The following THBS4 variants were observed in gnomAD, a reference collection of about 807,000 sequenced individuals.
THBS4 encodes the protein thrombospondin-4.
In THBS4, 90 loss-of-function variants were observed where a neutral mutation model predicts 115.7. The ratio of observed to expected loss-of-function variants is 0.78; its 90% CI spans 0.66 to 0.93. THBS4 has a LOEUF of 0.93. Ranked by LOEUF, THBS4 falls within the 40% of genes least tolerant of loss-of-function variation. THBS4 has a pLI of 0.00. For synonymous variants in THBS4, 460 were observed against 479.3 expected (o/e 0.96, Z 0.53); for missense variants, 1,087 against 1,232.7 (o/e 0.88, Z 1.77).
rs905604201 is a variant in THBS4, at chr5:80,055,833, T to C, written c.341T>C (p.Phe114Ser). The stretch of plus-strand genomic sequence containing the variant: ...GATGGGAAGGTGCATTTGGTGGTTT[T>C]CAACAACCTGCAGCTGGCAGACGGA... ...KNDGKVHLVV[F>S]NNLQLADGRR... Residue 114 changes from phenylalanine (F) to serine (S), a missense_variant, in exon 3 of 22, where the codon TTC (phenylalanine) becomes TCC (serine). Physicochemically the swap from Phe to Ser is radical, Grantham distance 155 (BLOSUM62 -2). Coordinates refer to ENST00000350881, the MANE Select transcript of THBS4 (RefSeq NM_003248.6). 7 of 1,614,030 alleles carry C rather than the reference T, an allele frequency of 4.3e-6. No individual in the cohort carries two copies. The Admixed American group carries it at 5.0e-5, about 12-fold the overall frequency.
intron 19 of THBS4, among the ~76,000 whole-genome samples, chr5:80,079,596 C>T (rs1194548393): frequency 6.6e-6 from 1 of 152,210 alleles, no homozygotes; most frequent in Non-Finnish European, 1.5e-5. Flanking sequence ...TCTGTCACTC[C>T]TGCTAGGACA....
chr5:80,017,986 C>T (rs1832283565), intron 2 of THBS4, among the ~76,000 whole-genome samples: 1 of 151,990 alleles, frequency 6.6e-6, no homozygotes, highest in Non-Finnish European at 1.5e-5. Context: ...TCTTTGGCTA[C>T]TTTTAAGATA....
intron 2 of THBS4, among the ~76,000 whole-genome samples, chr5:80,049,362 C>G (rs1484858740): frequency 1.2e-4 from 18 of 152,208 alleles, no homozygotes; most frequent in Admixed American, 1.1e-3. Context: ...GCCATAAAAT[C>G]AGGCAATCCT....
chr5:80,026,997 C>T (rs1335072025), intron 2 of THBS4, among the ~76,000 whole-genome samples: 1 of 152,152 alleles, frequency 6.6e-6, no homozygotes, highest in East Asian at 1.9e-4. Flanking sequence ...AACTATTTGC[C>T]AAAGACCCAC....
Position 80,070,761 on chromosome 5 carries a change from C to T in THBS4, c.1560+11C>T, listed in dbSNP as rs781470060. 1.4e-5 allele frequency: 23 copies of T among 1,612,846 alleles called. No homozygotes were observed. The highest frequency in any genetic ancestry group is 5.5e-5 in the South Asian group (5 of 91,068). On this transcript the variant is annotated intron_variant, in intron 12 of 21. Coordinates refer to ENST00000350881, the MANE Select transcript of THBS4 (RefSeq NM_003248.6). The stretch of plus-strand genomic sequence containing the variant: ...ATCCTGAATGAGCAGGTACCTGCTT[C>T]GCTGGGAGGGCCTGTGAATTGCCAC...
rs1353474054 is a variant in THBS4, at chr5:80,056,918, C to T, written c.540+886C>T. On this transcript the variant is annotated intron_variant, in intron 3 of 21. Coordinates refer to ENST00000350881, the MANE Select transcript of THBS4 (RefSeq NM_003248.6). ...GAAGCAGGGTGTAAGCAATAATTTC[C>T]ATTGCAAGTAGGAATGCTGTGCAGT... Among the ~76,000 whole-genome samples, 5 of 152,140 alleles carry T rather than the reference C, an allele frequency of 3.3e-5. No homozygotes were observed. The South Asian group carries it at 8.3e-4, about 25-fold the overall frequency.
At chr5:80,057,755 G>A (rs1407550766) in intron 3 of THBS4, among the ~76,000 whole-genome samples, 1 of 152,192 alleles carries the variant, frequency 6.6e-6, no homozygotes, top group African/African-American at 2.4e-5. Context: ...GATCATAGAA[G>A]ATATCATTTA....
chr5:80,030,682 T>A (rs1343176353), upstream of THBS4, among the ~76,000 whole-genome samples: 1 of 152,148 alleles, frequency 6.6e-6, no homozygotes, highest in Non-Finnish European at 1.5e-5. Context: ...TTTTAATTTT[T>A]ATTTTTATAG....
intron 15 of THBS4, chr5:80,074,459 C>T (rs1293511741): frequency 1.3e-5 from 2 of 152,154 alleles, no homozygotes; most frequent in Non-Finnish European, 2.9e-5. Flanking sequence ...GGAATTCTTA[C>T]AAAGGCAGCC....
intron 9 of THBS4, among the ~76,000 whole-genome samples, chr5:80,066,078 G>C (rs966508063): frequency 2.3e-5 from 3 of 131,322 alleles, no homozygotes; most frequent in Non-Finnish European, 3.1e-5. Context: ...CTGGGCGACA[G>C]AGCAAGACTC....
At chr5:80,014,644 G>A (rs1175237997) in intron 2 of THBS4, among the ~76,000 whole-genome samples, 1 of 152,174 alleles carries the variant, frequency 6.6e-6, no homozygotes, top group South Asian at 2.1e-4. Context: ...ACCATGTGTG[G>A]GTTATAGCCC....
chr5:80,046,779 A>G (rs1833081597), intron 2 of THBS4, among the ~76,000 whole-genome samples: 1 of 152,206 alleles, frequency 6.6e-6, no homozygotes, highest in Non-Finnish European at 1.5e-5. Context: ...CTGTATAGCA[A>G]ATTATCTAGT....
chr5:80,007,568 T>G (rs575884913), intron 2 of THBS4, among the ~76,000 whole-genome samples: 1 of 152,362 alleles, frequency 6.6e-6, no homozygotes, highest in African/African-American at 2.4e-5. Context: ...ACGTGGCTAC[T>G]ACTCAGATCC....
intron 2 of THBS4, among the ~76,000 whole-genome samples, chr5:80,005,762 A>ATTTT (rs567389394): frequency 5.0e-5 from 6 of 119,844 alleles, no homozygotes; most frequent in Non-Finnish European, 6.8e-5. Flanking sequence ...TGTTTGTGGC[A>ATTTT]TTTTTTTTTT....
chr5:80,049,357 A>C (rs938631679), intron 2 of THBS4, among the ~76,000 whole-genome samples: 10 of 152,218 alleles, frequency 6.6e-5, no homozygotes, highest in Admixed American at 6.5e-4. Context: ...ACAGTGCCAT[A>C]AAATCAGGCA....
At chr5:80,021,462 CAT>C (rs1055498102) in intron 2 of THBS4, among the ~76,000 whole-genome samples, 3 of 151,992 alleles carry the variant, frequency 2.0e-5, no homozygotes, top group Admixed American at 6.6e-5. Context: ...CACATACACA[CAT>C]ATGTATAGGC....
In THBS4 at chr5:80,070,422, G is replaced by T. The variant is rs779504738; in HGVS notation, c.1452+12G>T. The T allele has an allele frequency of 6.8e-6, 11 of 1,612,760 alleles. No individual in the cohort carries two copies. Among genetic ancestry groups the T allele is most frequent in the African/African-American group, 6.7e-5 (5 of 75,020 alleles). On this transcript the variant is annotated intron_variant, in intron 11 of 21. Transcript: ENST00000350881. ...GGAACTGTAAAAAGGTAAGGGGTGT[G>T]GGGTGGCAGTAGGCACACATGCACT...
At chr5:80,015,774 A>C (rs2151156371) in intron 2 of THBS4, among the ~76,000 whole-genome samples, 2 of 152,258 alleles carry the variant, frequency 1.3e-5, no homozygotes, top group Admixed American at 1.3e-4. Flanking sequence ...TCAGTCTCAG[A>C]GATGCAGAAA....
intron 2 of THBS4, among the ~76,000 whole-genome samples, chr5:80,000,062 G>A (rs1465584263): frequency 6.6e-6 from 1 of 152,156 alleles, no homozygotes; most frequent in Non-Finnish European, 1.5e-5. Flanking sequence ...AGTATACTGA[G>A]TAGGTATATG....
Sources: allele counts gnomAD v4.1 joint callset (sites outside exome capture counted in the v4.1 genomes callset), GRCh38; gene constraint gnomAD v4.1.1; transcripts MANE v1.5; gene names NCBI Gene and HGNC (gene_info 2026-07-23, HGNC 2026-07-21).